RPH3A: variants seen among roughly 807,000 people sequenced by gnomAD.
The protein encoded by RPH3A is rabphilin 3A.
A neutral mutation model predicts 102.2 loss-of-function variants in RPH3A; 48 were observed. That is an observed-to-expected ratio of 0.47 (90% confidence interval 0.37 to 0.60). The LOEUF (loss-of-function observed/expected upper bound fraction) is 0.60. RPH3A is among the 20% of genes least tolerant of loss of function. RPH3A has a pLI of 0.00. For missense variants in RPH3A, 781 were observed against 910.1 expected (o/e 0.86, Z 1.83); for synonymous variants, 310 against 324.3 (o/e 0.96, Z 0.47).
intron 1 of RPH3A, among the ~76,000 whole-genome samples, chr12:112,764,428 A>G (rs754968191): frequency 2.6e-5 from 4 of 152,156 alleles, no homozygotes; most frequent in Non-Finnish European, 5.9e-5. Flanking sequence ...AATAGGTGGT[A>G]AATGTTTCTT....
At chr12:112,796,031 C>T (rs1287930708) in intron 2 of RPH3A, among the ~76,000 whole-genome samples, 3 of 152,154 alleles carry the variant, frequency 2.0e-5, no homozygotes, top group Admixed American at 6.5e-5. Context: ...GAGCTGCCAG[C>T]CCCTCTTGTT....
intron 1 of RPH3A, among the ~76,000 whole-genome samples, chr12:112,719,381 C>T (rs564761172): frequency 4.6e-5 from 7 of 152,276 alleles, no homozygotes; most frequent in African/African-American, 1.4e-4. Context: ...AGAACGCATA[C>T]CTCAGTTATC....
chr12:112,697,762 G>A (rs1360502980), intron 1 of RPH3A, among the ~76,000 whole-genome samples: 1 of 152,118 alleles, frequency 6.6e-6, no homozygotes, highest in Non-Finnish European at 1.5e-5. Flanking sequence ...CTACTCGGGA[G>A]GCTGAGGCAT....
chr12:112,616,555 C>G (rs1408770144), intron 1 of RPH3A, among the ~76,000 whole-genome samples: 1 of 152,118 alleles, frequency 6.6e-6, no homozygotes, highest in East Asian at 1.9e-4. Flanking sequence ...AAGACAAAAT[C>G]TTGGGAGAGA....
At chr12:112,668,907 G>A (rs929161750) in intron 1 of RPH3A, among the ~76,000 whole-genome samples, 3 of 152,078 alleles carry the variant, frequency 2.0e-5, no homozygotes, top group South Asian at 2.1e-4. Context: ...AACTCCTCAT[G>A]GCTTTTATTT....
At position 112,800,061 on chromosome 12, in the gene RPH3A, C is replaced by T. The variant is rs185247135; in HGVS notation, c.-19+7798C>T. Among the ~76,000 whole-genome samples, 87 of 152,238 alleles carry T rather than the reference C, an allele frequency of 5.7e-4. 1 individual carries two copies. The highest frequency in any genetic ancestry group is 1.5e-3 in the Admixed American group (23 of 15,304). On this transcript the variant is annotated intron_variant, in intron 2 of 21. Transcript: ENST00000389385. ...GCCGGAGTTCCCTGCCCCCTGAAGC[C>T]GACAGCCCAGTGGGTGGCAAAACCA...
chr12:112,745,349 A>G (rs2040737364), intron 1 of RPH3A, among the ~76,000 whole-genome samples: 1 of 152,196 alleles, frequency 6.6e-6, no homozygotes, highest in Non-Finnish European at 1.5e-5. Flanking sequence ...TTTGTAATGA[A>G]TAAGAGATTT....
At chr12:112,581,297 G>A (rs1310080707) in intron 1 of RPH3A, among the ~76,000 whole-genome samples, 2 of 152,118 alleles carry the variant, frequency 1.3e-5, no homozygotes, top group Non-Finnish European at 2.9e-5. Flanking sequence ...GAGCATGTGC[G>A]AGGGAACTCC....
At chr12:112,655,786 T>A (rs2040007677) in intron 1 of RPH3A, among the ~76,000 whole-genome samples, 1 of 152,060 alleles carries the variant, frequency 6.6e-6, no homozygotes, top group Admixed American at 6.6e-5. Context: ...TTGACCAGGC[T>A]GTTCTTGAAC....
intron 3 of RPH3A, among the ~76,000 whole-genome samples, chr12:112,829,264 AG>A (rs751857101): frequency 1.5e-3 from 223 of 147,418 alleles, no homozygotes; most frequent in Non-Finnish European, 1.8e-3. Context: ...CCAAAGAGAA[AG>A]GCTTTTTTTT....
rs2041635558 is a variant in RPH3A at position 112,814,422 on chromosome 12, G to T, written c.-18-13879G>T. On this transcript the variant is annotated intron_variant, in intron 2 of 21. Coordinates refer to ENST00000389385, the MANE Select transcript of RPH3A (RefSeq NM_001143854.2). ...GCCCCAACAAGTGGTTTTGCTGTTTGTGCTTGATTACCTCCAATGATGGGG... is the reference window on the plus strand; with the variant it reads ...GCCCCAACAAGTGGTTTTGCTGTTTTTGCTTGATTACCTCCAATGATGGGG... Among the ~76,000 whole-genome samples the T allele has an allele frequency of 2.6e-5, 4 of 152,256 alleles. No homozygotes were observed. In the South Asian group the frequency reaches 8.3e-4, roughly 32 times the overall value.
intron 2 of RPH3A, among the ~76,000 whole-genome samples, chr12:112,807,946 C>T (rs377727244): frequency 6.6e-6 from 1 of 152,090 alleles, no homozygotes; most frequent in Admixed American, 6.5e-5. Context: ...AGAATGTCAG[C>T]GCCACCAGAA....
intron 1 of RPH3A, among the ~76,000 whole-genome samples, chr12:112,732,105 C>G (rs1049702375): frequency 3.9e-5 from 6 of 152,142 alleles, no homozygotes; most frequent in Non-Finnish European, 8.8e-5. Context: ...CGCAAACAAG[C>G]GTTTCTGGAG....
At chr12:112,776,053 A>G (rs951264817) in intron 1 of RPH3A, among the ~76,000 whole-genome samples, 2 of 152,078 alleles carry the variant, frequency 1.3e-5, no homozygotes, top group Non-Finnish European at 1.5e-5. Context: ...AAGGGAAGAA[A>G]CTGGCATAGG....
intron 4 of RPH3A, among the ~76,000 whole-genome samples, chr12:112,842,594 G>C (rs538540091): frequency 3.5e-4 from 54 of 152,200 alleles, no homozygotes; most frequent in Non-Finnish European, 6.9e-4. Flanking sequence ...GCAGCCACCA[G>C]GTCTGCTTAG....
At chr12:112,823,536 C>T (rs1021375228) in intron 2 of RPH3A, among the ~76,000 whole-genome samples, 6 of 152,320 alleles carry the variant, frequency 3.9e-5, no homozygotes, top group Middle Eastern at 3.4e-3. Flanking sequence ...TACCACTTTA[C>T]AAGTCTTTGC....
At chr12:112,810,083 C>T (rs372307806) in intron 2 of RPH3A, among the ~76,000 whole-genome samples, 16 of 152,298 alleles carry the variant, frequency 1.1e-4, no homozygotes, top group African/African-American at 3.9e-4. Context: ...CTTCCTTTCT[C>T]GATTCCTCAG....
intron 1 of RPH3A, among the ~76,000 whole-genome samples, chr12:112,739,627 T>C (rs926897512): frequency 1.3e-5 from 2 of 152,232 alleles, no homozygotes. Context: ...GGATTAGACC[T>C]GGGTTCAAAT....
intron 1 of RPH3A, among the ~76,000 whole-genome samples, chr12:112,665,341 A>G (rs991435144): frequency 2.0e-5 from 3 of 152,202 alleles, no homozygotes; most frequent in Non-Finnish European, 4.4e-5. Flanking sequence ...GGACTTAGAA[A>G]CAATCCAACC....
Sources: allele counts gnomAD v4.1 joint callset (sites outside exome capture counted in the v4.1 genomes callset), GRCh38; gene constraint gnomAD v4.1.1; transcripts MANE v1.5; gene names NCBI Gene and HGNC (gene_info 2026-07-23, HGNC 2026-07-21).